Variants in LDAH observed in about 807,000 individuals in gnomAD.
LDAH encodes the protein lipid droplet associated hydrolase, also known as lipid droplet-associated hydrolase.
In LDAH, 26 loss-of-function variants were observed where a neutral mutation model predicts 29.6. The observed-to-expected ratio is 0.88, with a 90% CI of 0.64 to 1.22. The LOEUF (loss-of-function observed/expected upper bound fraction) is 1.22, where lower values mean the gene tolerates loss of function less well. Ranked by LOEUF, LDAH falls within the 50% of genes most tolerant of loss-of-function variation. The pLI is 0.00. For missense variants in LDAH, 344 were observed against 387.3 expected, an observed-to-expected ratio of 0.89 and a Z score of 0.94; for synonymous variants, 117 against 133.0, an observed-to-expected ratio of 0.88 and a Z score of 0.83.
intron 4 of LDAH, among the ~76,000 whole-genome samples, chr2:20,770,844 A>G (rs1669363713): frequency 6.6e-6 from 1 of 152,222 alleles, no homozygotes; most frequent in South Asian, 2.1e-4. Context: ...AGATTCAGGC[A>G]GAGCCAAGGC....
At chr2:20,813,622 A>T (rs904105565) in intron 1 of LDAH, among the ~76,000 whole-genome samples, 4 of 152,174 alleles carry the variant, frequency 2.6e-5, no homozygotes, top group Non-Finnish European at 5.9e-5. Context: ...CCAAGTGTGA[A>T]ATTACTGGTT....
At chr2:20,789,005 C>T (rs781354789) in intron 3 of LDAH, 31 of 938,298 alleles carry the variant, frequency 3.3e-5, no homozygotes, top group Non-Finnish European at 4.8e-5. Flanking sequence ...CTCTCCAGCT[C>T]TCAAAGTCCC....
chr2:20,803,927 T>G (rs1230174422), intron 1 of LDAH, among the ~76,000 whole-genome samples: 2 of 152,208 alleles, frequency 1.3e-5, no homozygotes, highest in Non-Finnish European at 2.9e-5. Flanking sequence ...TGATCCAGAC[T>G]GATATATCTC....
intron 4 of LDAH, among the ~76,000 whole-genome samples, chr2:20,769,666 T>A (rs1669272603): frequency 1.3e-5 from 2 of 152,230 alleles, no homozygotes; most frequent in Non-Finnish European, 1.5e-5. Context: ...TTTTGCAAAC[T>A]TCTCAGCTAT....
chr2:20,789,385 G>C (rs1572635088), intron 3 of LDAH: 3 of 1,476,502 alleles, frequency 2.0e-6, no homozygotes, highest in Non-Finnish European at 2.7e-6. Context: ...GAATCTGCCA[G>C]TGCAGACTGG....
At chr2:20,797,839 AAAAC>A (rs144686809) in intron 2 of LDAH, among the ~76,000 whole-genome samples, 4,115 of 152,302 alleles carry the variant, frequency 0.027, 180 homozygotes, top group African/African-American at 0.095. Flanking sequence ...AAAGAAAAGA[AAAAC>A]AAAGCGCTAT....
At position 20,727,009 on chromosome 2, in the gene LDAH, AC is replaced by A. The variant is rs532889679; in HGVS notation, c.703+12961del. On this transcript the variant is annotated intron_variant, in intron 5 of 6. Transcript: ENST00000237822. ...CCTAAATCCTAACACTGACCGAAAA[AC>A]AAAAACAAAAACAAACAAAAAAACC... Among the ~76,000 whole-genome samples the A allele has an allele frequency of 2.9e-3, 436 of 152,296 alleles. 1 individual carries two copies. The highest frequency in any genetic ancestry group is 5.1e-3 in the Non-Finnish European group (350 of 68,020).
At chr2:20,817,649 A>G (rs1048409225) in intron 1 of LDAH, among the ~76,000 whole-genome samples, 2 of 152,146 alleles carry the variant, frequency 1.3e-5, no homozygotes, top group African/African-American at 4.8e-5. Flanking sequence ...TGACTTAGCA[A>G]TTGTACTCTT....
chr2:20,709,590 T>G (rs978792244), intron 5 of LDAH, among the ~76,000 whole-genome samples: 4 of 152,196 alleles, frequency 2.6e-5, no homozygotes, highest in Non-Finnish European at 5.9e-5. Context: ...TTTGGAAAAC[T>G]GTTTGGCAGT....
rs190649993 is a variant in LDAH, at chr2:20,702,541, C to G, written c.704-889G>C. The stretch of plus-strand genomic sequence containing the variant: ...CAGTCATCTTGCTTTATATACCCTA[C>G]GCTTTCTTGTTATTTCTGCCTCTTA... On this transcript the variant is annotated intron_variant, in intron 5 of 6. Transcript: ENST00000237822. 1.9e-4 allele frequency among the ~76,000 whole-genome samples: 29 copies of G among 152,320 alleles called. No homozygotes were observed. The East Asian group carries it at 5.2e-3, about 27-fold the overall frequency.
chr2:20,755,066 A>C (rs1279811938), intron 4 of LDAH, among the ~76,000 whole-genome samples: 1 of 151,876 alleles, frequency 6.6e-6, no homozygotes, highest in Non-Finnish European at 1.5e-5. Context: ...TTTAGGGATA[A>C]GGGGCAATAA....
rs541893996 is a variant in LDAH, at chr2:20,688,293, C to T, written c.787-1199G>A. ...ACTGTGGGGAGAAGACCAAGCAAAC[C>T]AAAGCTTGAAAGAGCATGGCATGTG... On this transcript the variant is annotated intron_variant, in intron 6 of 6. Transcript: ENST00000237822. Among the ~76,000 whole-genome samples, 3 of 152,200 alleles carry T rather than the reference C, an allele frequency of 2.0e-5. No homozygotes were observed. In the South Asian group the frequency reaches 6.2e-4, roughly 32 times the overall value.
chr2:20,731,054 GAAT>G (rs1666365701), intron 5 of LDAH, among the ~76,000 whole-genome samples: 1 of 152,076 alleles, frequency 6.6e-6, no homozygotes, highest in Non-Finnish European at 1.5e-5. Flanking sequence ...ATACATTTTA[GAAT>G]AATCATGTCG....
At position 20,685,317 on chromosome 2, in the gene LDAH, A is replaced by T. The variant is rs1044218857; in HGVS notation, c.*1586T>A. The stretch of plus-strand genomic sequence containing the variant: ...TATCAGTGAGTATCTCCTGTATGCA[A>T]GGCGCTCAGAGCCATGATTCCTAGC... On this transcript the variant is annotated 3_prime_UTR_variant, in exon 7 of 7. Coordinates refer to ENST00000237822, the MANE Select transcript of LDAH (RefSeq NM_021925.4). The T allele has an allele frequency of 1.8e-5, 10 of 563,544 alleles. No individual in the cohort carries two copies. Among genetic ancestry groups the T allele is most frequent in the Non-Finnish European group, 2.7e-5 (9 of 330,238 alleles). The allele number at this position is 563,544 out of a possible 1,614,324, so 34.9% of individuals were successfully genotyped here.
chr2:20,752,168 G>A (rs1486542203), intron 4 of LDAH, among the ~76,000 whole-genome samples: 2 of 151,842 alleles, frequency 1.3e-5, no homozygotes, highest in African/African-American at 2.4e-5. Context: ...CTAGGATTAC[G>A]GGGATGAGCC....
chr2:20,742,187 A>T (rs1048203609), intron 4 of LDAH, among the ~76,000 whole-genome samples: 2 of 152,082 alleles, frequency 1.3e-5, no homozygotes, highest in African/African-American at 4.8e-5. Context: ...TCTATTCTAA[A>T]TTTGTTAAGG....
intron 4 of LDAH, among the ~76,000 whole-genome samples, chr2:20,767,722 G>A (rs1268639017): frequency 6.6e-6 from 1 of 152,180 alleles, no homozygotes; most frequent in African/African-American, 2.4e-5. Flanking sequence ...GACTTGTGGT[G>A]CCCTTTCTGG....
intron 1 of LDAH, among the ~76,000 whole-genome samples, chr2:20,815,528 G>A: frequency 6.6e-6 from 1 of 152,004 alleles, no homozygotes; most frequent in Middle Eastern, 3.2e-3. Flanking sequence ...CTCAAAAGCA[G>A]CCAAAGAGAA....
intron 4 of LDAH, among the ~76,000 whole-genome samples, chr2:20,747,469 T>C (rs907726407): frequency 2.0e-5 from 3 of 152,146 alleles, no homozygotes; most frequent in Non-Finnish European, 4.4e-5. Context: ...CAACATGCAA[T>C]GTCAACCAGA....
Sources: gnomAD v4.1 joint callset for allele counts (sites outside exome capture counted in the v4.1 genomes callset) on GRCh38, gnomAD v4.1.1 for gene constraint, MANE v1.5 for transcripts, NCBI Gene and HGNC (gene_info 2026-07-23, HGNC 2026-07-21) for gene names.